The following CRACR2A variants were observed in gnomAD, a reference collection of about 807,000 sequenced individuals.
CRACR2A encodes EF-hand calcium-binding domain-containing protein 4B.
In CRACR2A, 79 loss-of-function variants were observed where a neutral mutation model predicts 90.5. The observed-to-expected ratio is 0.87, with a 90% CI of 0.73 to 1.05. The LOEUF (loss-of-function observed/expected upper bound fraction) is 1.05, where lower values mean the gene tolerates loss of function less well. Among genes scored for constraint, CRACR2A ranks in the 50% least tolerant of loss-of-function variants. The pLI is 0.00. For synonymous variants in CRACR2A, 338 were observed against 356.7 expected (o/e 0.95, Z 0.59); for missense variants, 823 against 897.2 (o/e 0.92, Z 1.06).
chr12:3,627,208 T>C (rs1944280992), intron 17 of CRACR2A, among the ~76,000 whole-genome samples: 1 of 152,184 alleles, frequency 6.6e-6, no homozygotes, highest in South Asian at 2.1e-4. Flanking sequence ...CCTCTCTCCA[T>C]GAGGGCAGGG....
At chr12:3,741,489 A>C (rs1396340830) in intron 1 of CRACR2A, among the ~76,000 whole-genome samples, 1 of 152,258 alleles carries the variant, frequency 6.6e-6, no homozygotes, top group Admixed American at 6.5e-5. Context: ...GCCCATTTAA[A>C]AGGCTTTCTG....
intron 2 of CRACR2A, 69 bp downstream of exon 2, chr12:3,732,873 T>C (rs1946382765): frequency 6.6e-6 from 1 of 152,214 alleles, no homozygotes; most frequent in South Asian, 2.1e-4. Context: ...AACATTTGTT[T>C]GTTTGGCCCA....
At chr12:3,738,905 T>A (rs905395277) in intron 1 of CRACR2A, among the ~76,000 whole-genome samples, 9 of 152,156 alleles carry the variant, frequency 5.9e-5, no homozygotes, top group Non-Finnish European at 4.4e-5. Context: ...TTATTTCTCA[T>A]CAGTGATGAA....
chr12:3,744,750 A>T (rs1201345230), intron 1 of CRACR2A, among the ~76,000 whole-genome samples: 1 of 152,220 alleles, frequency 6.6e-6, no homozygotes, highest in East Asian at 1.9e-4. Context: ...CCAAGTCGAC[A>T]GGACATCTGA....
At chr12:3,689,761 G>A (rs1443804343) in intron 4 of CRACR2A, among the ~76,000 whole-genome samples, 1 of 146,382 alleles carries the variant, frequency 6.8e-6, no homozygotes, top group Non-Finnish European at 1.5e-5. Context: ...AGTTTCGGTA[G>A]GAATGGTACC....
At chr12:3,698,183 T>A (rs2137710439) in intron 3 of CRACR2A, among the ~76,000 whole-genome samples, 1 of 152,354 alleles carries the variant, frequency 6.6e-6, no homozygotes, top group Admixed American at 6.5e-5. Context: ...TCCTTGGATT[T>A]TTTTTTCCAT....
At chr12:3,646,301 T>C (rs1009154336) in intron 11 of CRACR2A, among the ~76,000 whole-genome samples, 20 of 152,210 alleles carry the variant, frequency 1.3e-4, no homozygotes, top group African/African-American at 4.6e-4. Context: ...AGTTTTGTGA[T>C]TCTATGACTC....
intron 4 of CRACR2A, among the ~76,000 whole-genome samples, chr12:3,684,605 A>AGAT (rs1378882964): frequency 4.6e-5 from 7 of 152,238 alleles, no homozygotes; most frequent in African/African-American, 1.7e-4. Flanking sequence ...CTTTGGTCAA[A>AGAT]GATAGACCGA....
intron 4 of CRACR2A, among the ~76,000 whole-genome samples, chr12:3,693,224 A>C (rs1945679263): frequency 6.6e-6 from 1 of 152,226 alleles, no homozygotes; most frequent in African/African-American, 2.4e-5. Flanking sequence ...ACATGGCCTT[A>C]CGGGCTGCCC....
At chr12:3,617,064 T>C (rs556115315) in intron 18 of CRACR2A, 34 bp from the exon 19 acceptor site, 170 of 1,507,446 alleles carry the variant, frequency 1.1e-4, no homozygotes, top group Non-Finnish European at 1.5e-4. Flanking sequence ...TACAAGAGTA[T>C]TGGAGTGAGA....
In CRACR2A at chr12:3,679,088, G is replaced by T; in HGVS notation, c.351C>A (p.Phe117Leu). 2 of 1,612,568 alleles carry T rather than the reference G, an allele frequency of 1.2e-6. No individual in the cohort carries two copies. Among genetic ancestry groups the T allele is most frequent in the East Asian group, 4.5e-5 (2 of 44,784 alleles). The change falls in exon 6 of 20, where the codon TTC (phenylalanine) becomes TTA (leucine). Residue 117 changes from phenylalanine (F) to leucine (L), a missense_variant. Coordinates refer to ENST00000440314, the MANE Select transcript of CRACR2A (RefSeq NM_001144958.2). ...CCTGACTTGGGTTATTCTGGCTGAA[G>T]AAGAAGTGACCTGGGGGGTGCAGGG... is the stretch of plus-strand genomic sequence containing the variant. ...QEFTTGFSHFFFSQNNPSQED... is the reference protein window; with the variant it reads ...QEFTTGFSHFLFSQNNPSQED...
intron 8 of CRACR2A, 132 bp downstream of exon 8, chr12:3,659,432 G>GA (rs199799042): frequency 1.2e-3 from 840 of 679,636 alleles, no homozygotes; most frequent in Middle Eastern, 1.8e-3. Flanking sequence ...TAAATGCCTT[G>GA]AAAAAAAAAT....
intron 3 of CRACR2A, among the ~76,000 whole-genome samples, chr12:3,712,566 A>G (rs1946021391): frequency 6.6e-6 from 1 of 152,204 alleles, no homozygotes. Flanking sequence ...TACAGCACCA[A>G]GCCATGAGGG....
chr12:3,673,926 G>A (rs577809294), intron 6 of CRACR2A, among the ~76,000 whole-genome samples: 264 of 152,296 alleles, frequency 1.7e-3, no homozygotes, highest in African/African-American at 6.2e-3. Flanking sequence ...TGACTCCGGT[G>A]TTGGCCTCCT....
chr12:3,626,335 C>T (rs139925406), intron 17 of CRACR2A, among the ~76,000 whole-genome samples: 1 of 152,354 alleles, frequency 6.6e-6, no homozygotes, highest in Non-Finnish European at 1.5e-5. Flanking sequence ...TCCATTCATT[C>T]ATCCAGGAGT....
chr12:3,733,463 C>T (rs1045021887), intron 1 of CRACR2A, among the ~76,000 whole-genome samples: 3 of 152,118 alleles, frequency 2.0e-5, no homozygotes, highest in Non-Finnish European at 2.9e-5. Flanking sequence ...GACTCTACTC[C>T]GTCTCTGGTT....
intron 12 of CRACR2A, among the ~76,000 whole-genome samples, chr12:3,642,461 T>C (rs1410081981): frequency 1.3e-5 from 2 of 152,192 alleles, no homozygotes; most frequent in African/African-American, 4.8e-5. Flanking sequence ...GTGATCCTCC[T>C]GTCTCACTCT....
chr12:3,621,648 CAAAAAAAAAAAAAAA>C (rs557648607), intron 17 of CRACR2A, among the ~76,000 whole-genome samples: 30 of 14,582 alleles, frequency 2.1e-3, no homozygotes, highest in Admixed American at 0.014. Context: ...GAGACTCTGT[CAAAAAAAAAAAAAAA>C]AAAAAAAAAA....
chr12:3,616,654 T>C (rs1394889732), intron 19 of CRACR2A, among the ~76,000 whole-genome samples: 1 of 152,212 alleles, frequency 6.6e-6, no homozygotes, highest in African/African-American at 2.4e-5. Flanking sequence ...CCAGAAGGAT[T>C]GGCATTTAAA....
Sources: allele counts gnomAD v4.1 joint callset (sites outside exome capture counted in the v4.1 genomes callset), GRCh38; gene constraint gnomAD v4.1.1; transcripts MANE v1.5; gene names NCBI Gene and HGNC (gene_info 2026-07-23, HGNC 2026-07-21).